The following NEDD4 variants were observed in gnomAD, a reference collection of about 807,000 sequenced individuals.
The protein encoded by NEDD4 is E3 ubiquitin-protein ligase NEDD4.
Under a neutral mutation model 144.9 loss-of-function variants are expected in NEDD4, and 99 were observed. The ratio of observed to expected loss-of-function variants is 0.68; its 90% CI spans 0.58 to 0.81. The LOEUF (loss-of-function observed/expected upper bound fraction) is 0.81, where lower values mean the gene tolerates loss of function less well. Among genes scored for constraint, NEDD4 ranks in the 30% least tolerant of loss-of-function variants. NEDD4 has a pLI of 0.00. For missense variants in NEDD4, 985 were observed against 1,065.9 expected (o/e 0.92, Z 1.06); for synonymous variants, 318 against 350.6 (o/e 0.91, Z 1.04).
At chr15:55,885,033 A>G (rs2035335898) in intron 5 of NEDD4, among the ~76,000 whole-genome samples, 1 of 152,222 alleles carries the variant, frequency 6.6e-6, no homozygotes, top group South Asian at 2.1e-4. Context: ...TCAGGGGTAA[A>G]GAACGGATCC....
chr15:55,881,303 G>A (rs768119682), intron 5 of NEDD4, among the ~76,000 whole-genome samples: 5 of 151,776 alleles, frequency 3.3e-5, no homozygotes, highest in East Asian at 1.9e-4. Context: ...CACCACTCCC[G>A]CCTAATTTTG....
chr15:55,850,664 C>A lies in NEDD4; in HGVS notation c.1225G>T (p.Gly409Cys), dbSNP rs2033948893. The change falls in exon 14 of 29, where the codon GGC (glycine) becomes TGC (cysteine). Residue 409 changes from glycine (G) to cysteine (C), a missense_variant. Coordinates refer to ENST00000435532, the MANE Select transcript of NEDD4 (RefSeq NM_006154.4). ...TCAGATGGCTGGGTCACCTGCTGGC[C>A]TGAATCACTGGTGGAGGCTTGTGAT... The part of the protein sequence containing the change: ...PQSQASTSDS[G>C]QQVTQPSEIE... 1.2e-6 allele frequency: 2 copies of A among 1,614,110 alleles called. No homozygotes were observed. Among genetic ancestry groups the A allele is most frequent in the South Asian group, 2.2e-5 (2 of 91,078 alleles).
intron 2 of NEDD4, among the ~76,000 whole-genome samples, chr15:55,964,729 G>C (rs942723952): frequency 3.1e-5 from 4 of 130,976 alleles, no homozygotes; most frequent in Non-Finnish European, 6.5e-5. Flanking sequence ...GTGTGTGTGT[G>C]TCTGCTTATC....
intron 5 of NEDD4, among the ~76,000 whole-genome samples, chr15:55,878,573 A>T (rs1489903479): frequency 6.6e-6 from 1 of 152,208 alleles, no homozygotes; most frequent in Non-Finnish European, 1.5e-5. Context: ...AGTTAAACAT[A>T]TACCAGTATA....
In NEDD4 at chr15:55,827,478, A is replaced by G. The variant is rs1440295364; in HGVS notation, c.*2419T>C. 3 of 152,196 alleles carry G rather than the reference A, an allele frequency of 2.0e-5. No homozygotes were observed. The highest frequency in any genetic ancestry group is 4.8e-5 in the African/African-American group (2 of 41,438). The allele number at this position is 152,196 out of a possible 1,614,324, so 9.4% of individuals were successfully genotyped here. On this transcript the variant is annotated 3_prime_UTR_variant, in exon 29 of 29. Coordinates refer to ENST00000435532, the MANE Select transcript of NEDD4 (RefSeq NM_006154.4). ...TAACATCATGTTCTATGAGTCACAGAATCATCCAAATGAGTATCAGCCAGA... is the reference window on the plus strand; with the variant it reads ...TAACATCATGTTCTATGAGTCACAGGATCATCCAAATGAGTATCAGCCAGA...
At chr15:55,867,826 C>A (rs1287377271) in intron 8 of NEDD4, among the ~76,000 whole-genome samples, 1 of 152,168 alleles carries the variant, frequency 6.6e-6, no homozygotes, top group African/African-American at 2.4e-5. Context: ...GAAGCCGAGG[C>A]GGATGGACGG....
intron 5 of NEDD4, among the ~76,000 whole-genome samples, chr15:55,894,178 T>C (rs2035664036): frequency 2.0e-5 from 3 of 152,198 alleles, no homozygotes; most frequent in Admixed American, 2.0e-4. Flanking sequence ...ACATAAACTG[T>C]ATAGTCAGCT....
At chr15:55,983,497 A>G (rs200711137) in intron 1 of NEDD4, among the ~76,000 whole-genome samples, 293 of 134,066 alleles carry the variant, frequency 2.2e-3, no homozygotes, top group Non-Finnish European at 3.4e-3. Context: ...TATTTACTCA[A>G]TGGGGTTCTA....
chr15:55,986,874 C>T (rs1243294217), intron 1 of NEDD4, among the ~76,000 whole-genome samples: 9 of 152,004 alleles, frequency 5.9e-5, no homozygotes, highest in African/African-American at 1.5e-4. Flanking sequence ...GGATTACAGG[C>T]GTGAGCCACC....
At chr15:55,885,669 C>G (rs1417593280) in intron 5 of NEDD4, among the ~76,000 whole-genome samples, 2 of 151,830 alleles carry the variant, frequency 1.3e-5, no homozygotes, top group African/African-American at 4.8e-5. Context: ...CTCTTGGTAA[C>G]CTTAAATAAA....
rs76660025 is a variant in NEDD4 at position 55,877,493 on chromosome 15, T to A, written c.292-3485A>T. Reference sequence around the variant, plus strand: ...AATGGTATTAACTTCAATCATTTGGTTAAGGTGCTGTCTTCCATGTTTCTC... The same window carrying A: ...AATGGTATTAACTTCAATCATTTGGATAAGGTGCTGTCTTCCATGTTTCTC... On this transcript the variant is annotated intron_variant, in intron 5 of 28. Coordinates refer to ENST00000435532, the MANE Select transcript of NEDD4 (RefSeq NM_006154.4). Among the ~76,000 whole-genome samples, 272 of 152,332 alleles carry A rather than the reference T, an allele frequency of 1.8e-3. 1 individual carries two copies. The highest frequency in any genetic ancestry group is 2.9e-3 in the Non-Finnish European group (195 of 68,030).
intron 5 of NEDD4, among the ~76,000 whole-genome samples, chr15:55,893,454 A>G (rs1354925718): frequency 6.6e-6 from 1 of 152,056 alleles, no homozygotes; most frequent in African/African-American, 2.4e-5. Flanking sequence ...CCAGAATACA[A>G]TTAAAAACTT....
intron 1 of NEDD4, among the ~76,000 whole-genome samples, chr15:55,982,583 C>G (rs924456748): frequency 4.6e-5 from 7 of 152,024 alleles, no homozygotes; most frequent in Admixed American, 4.6e-4. Context: ...AGAGAGTAGA[C>G]GGGCAGAATT....
chr15:55,962,935 C>T (rs1476411089), intron 2 of NEDD4, among the ~76,000 whole-genome samples: 5 of 151,240 alleles, frequency 3.3e-5, no homozygotes, highest in South Asian at 2.1e-4. Context: ...TACAGACACG[C>T]GCCACCATAC....
intron 4 of NEDD4, among the ~76,000 whole-genome samples, chr15:55,934,989 C>G (rs2036858387): frequency 6.6e-6 from 1 of 150,784 alleles, no homozygotes; most frequent in Non-Finnish European, 1.5e-5. Context: ...CTGCCTCAGC[C>G]TCCCAAGTAG....
chr15:55,939,512 C>T (rs1262761467), intron 4 of NEDD4, among the ~76,000 whole-genome samples: 1 of 152,104 alleles, frequency 6.6e-6, no homozygotes, highest in Non-Finnish European at 1.5e-5. Context: ...ATACAAGCAA[C>T]AAAGAACCTA....
chr15:55,855,323 A>G lies in NEDD4; in HGVS notation c.1026+808T>C, dbSNP rs376942630. ...GGTTGGGGAAGAAAATGAGAAAGCCATTCCAAGTGGGGAAATGGAATGCAC... is the reference window on the plus strand; with the variant it reads ...GGTTGGGGAAGAAAATGAGAAAGCCGTTCCAAGTGGGGAAATGGAATGCAC... On this transcript the variant is annotated intron_variant, in intron 12 of 28. Coordinates refer to ENST00000435532, the MANE Select transcript of NEDD4 (RefSeq NM_006154.4). 5.3e-5 allele frequency among the ~76,000 whole-genome samples: 8 copies of G among 152,182 alleles called. No individual in the cohort carries two copies. The East Asian group carries it at 1.5e-3, about 29-fold the overall frequency.
chr15:55,907,792 C>T (rs762425487), intron 5 of NEDD4, among the ~76,000 whole-genome samples: 4 of 152,218 alleles, frequency 2.6e-5, no homozygotes, highest in Non-Finnish European at 5.9e-5. Flanking sequence ...GAAAGCTAGT[C>T]AAATGGCTTT....
intron 5 of NEDD4, among the ~76,000 whole-genome samples, chr15:55,900,502 G>A (rs997233243): frequency 1.3e-5 from 2 of 151,964 alleles, no homozygotes; most frequent in Non-Finnish European, 2.9e-5. Flanking sequence ...AATATATTTC[G>A]GCAATTTTAC....
Sources: gnomAD v4.1 joint callset for allele counts (sites outside exome capture counted in the v4.1 genomes callset) on GRCh38, gnomAD v4.1.1 for gene constraint, MANE v1.5 for transcripts, NCBI Gene and HGNC (gene_info 2026-07-23, HGNC 2026-07-21) for gene names.